The following CDYL2 variants were observed in gnomAD, a reference collection of about 807,000 sequenced individuals.
CDYL2 encodes chromodomain Y-like protein 2.
Under a neutral mutation model 49.4 loss-of-function variants are expected in CDYL2, and 23 were observed. The observed-to-expected ratio is 0.47, with a 90% CI of 0.34 to 0.66. The LOEUF (loss-of-function observed/expected upper bound fraction) is 0.66, where lower values mean the gene tolerates loss of function less well. Ranked by LOEUF, CDYL2 falls within the 30% of genes least tolerant of loss-of-function variation. The pLI is 0.01. For synonymous variants in CDYL2, 360 were observed against 268.8 expected, an observed-to-expected ratio of 1.34 and a Z score of -3.32; for missense variants, 678 against 656.4, an observed-to-expected ratio of 1.03 and a Z score of -0.36.
At chr16:80,695,916 TAGA>T (rs1167841895) in intron 1 of CDYL2, among the ~76,000 whole-genome samples, 1 of 152,218 alleles carries the variant, frequency 6.6e-6, no homozygotes, top group Non-Finnish European at 1.5e-5. Flanking sequence ...CAGACATTTA[TAGA>T]AGGTTTCAAT....
chr16:80,706,001 G>T (rs762005934), intron 1 of CDYL2, among the ~76,000 whole-genome samples: 9 of 152,220 alleles, frequency 5.9e-5, no homozygotes, highest in Non-Finnish European at 1.2e-4. Context: ...CTCCAAGGCA[G>T]TAGAGGGGTG....
intron 2 of CDYL2, among the ~76,000 whole-genome samples, chr16:80,672,310 C>T (rs951326722): frequency 7.9e-6 from 1 of 127,044 alleles, no homozygotes; most frequent in Admixed American, 9.4e-5. Context: ...TGTTTTCATA[C>T]AAAATGTTAC....
intron 1 of CDYL2, among the ~76,000 whole-genome samples, chr16:80,792,374 A>G (rs1209723239): frequency 2.0e-5 from 3 of 152,202 alleles, no homozygotes; most frequent in Non-Finnish European, 4.4e-5. Context: ...TTCTAGGAAA[A>G]TATTTCAAGA....
Position 80,666,753 on chromosome 16 carries a change from C to G in CDYL2, c.616+17785G>C, listed in dbSNP as rs538727307. 1.1e-4 allele frequency among the ~76,000 whole-genome samples: 17 copies of G among 152,290 alleles called. 3 individuals are homozygous for G. The highest frequency in any genetic ancestry group is 3.6e-4 in the African/African-American group (15 of 41,564). Reference sequence around the variant, plus strand: ...TGGGCCAGGGGATGGGCAGCTTTGACAGATGTCAGAAGGGTTTGCAGTGGG... The same window carrying G: ...TGGGCCAGGGGATGGGCAGCTTTGAGAGATGTCAGAAGGGTTTGCAGTGGG... On this transcript the variant is annotated intron_variant, in intron 2 of 6. Coordinates refer to ENST00000570137, the MANE Select transcript of CDYL2 (RefSeq NM_152342.4).
Position 80,602,357 on chromosome 16 carries a change from G to A in CDYL2, c.*2031C>T, listed in dbSNP as rs1906129531. 6.6e-6 allele frequency: 1 copy of A among 152,130 alleles called. No individual in the cohort carries two copies. Among genetic ancestry groups the A allele is most frequent in the African/African-American group, 2.4e-5 (1 of 41,406 alleles). 9.4% of individuals were successfully genotyped at this position (152,130 alleles called of 1,614,324 possible). A position where few individuals can be genotyped will look rare whatever the true frequency, so the allele number is the denominator to read the frequency against. ...CCATCCTCCTCTGGCTGAAGGAGAG[G>A]TTTCCCCTCCTTCCTGACCCTCATG... is the stretch of plus-strand genomic sequence containing the variant. On this transcript the variant is annotated 3_prime_UTR_variant, in exon 7 of 7. Transcript: ENST00000570137.
At chr16:80,762,424 A>G (rs961072956) in intron 1 of CDYL2, among the ~76,000 whole-genome samples, 1 of 152,198 alleles carries the variant, frequency 6.6e-6, no homozygotes, top group Non-Finnish European at 1.5e-5. Flanking sequence ...AGTCCATACA[A>G]GCAGCACAGC....
At position 80,621,457 on chromosome 16, in the gene CDYL2, T is replaced by C. The variant is rs964057800; in HGVS notation, c.835-522A>G. ...GCATCAGATCCAGACCTGGGTTCAG[T>C]GTCCCACTGGAGTTCCAAGCCCCTG... On this transcript the variant is annotated intron_variant, in intron 3 of 6. Transcript: ENST00000570137. Among the ~76,000 whole-genome samples the C allele has an allele frequency of 3.9e-5, 6 of 152,228 alleles. No individual in the cohort carries two copies. In the East Asian group the frequency reaches 9.6e-4, roughly 24 times the overall value.
At chr16:80,756,349 AAC>A (rs60818381) in intron 1 of CDYL2, among the ~76,000 whole-genome samples, 2,941 of 152,242 alleles carry the variant, frequency 0.019, 93 homozygotes, top group African/African-American at 0.068. Context: ...AGAAAACACA[AAC>A]ACACACAATG....
At chr16:80,788,763 G>C (rs541714489) in intron 1 of CDYL2, among the ~76,000 whole-genome samples, 1 of 152,136 alleles carries the variant, frequency 6.6e-6, no homozygotes, top group Non-Finnish European at 1.5e-5. Flanking sequence ...CTCATAGAAA[G>C]GATTACATGA....
intron 3 of CDYL2, among the ~76,000 whole-genome samples, chr16:80,630,358 C>A (rs1597134698): frequency 6.6e-6 from 1 of 152,322 alleles, no homozygotes; most frequent in South Asian, 2.1e-4. Context: ...CAGTTACCAC[C>A]CAGGGCTGCT....
intron 2 of CDYL2, among the ~76,000 whole-genome samples, chr16:80,645,189 A>G (rs906067086): frequency 1.4e-4 from 21 of 152,352 alleles, no homozygotes; most frequent in Admixed American, 1.1e-3. Context: ...AACTACCATC[A>G]GAGTGAACAG....
intron 1 of CDYL2, among the ~76,000 whole-genome samples, chr16:80,769,330 T>A (rs114112243): frequency 3.7e-3 from 571 of 152,302 alleles, no homozygotes; most frequent in African/African-American, 0.013. Context: ...TTAATGGAGG[T>A]GATGCTGAAA....
intron 1 of CDYL2, among the ~76,000 whole-genome samples, chr16:80,685,336 T>C (rs1223880117): frequency 6.6e-6 from 1 of 152,208 alleles, no homozygotes; most frequent in Non-Finnish European, 1.5e-5. Context: ...GGATGGAACC[T>C]AAGGCACATG....
intron 1 of CDYL2, among the ~76,000 whole-genome samples, chr16:80,758,989 C>A (rs1001767160): frequency 1.3e-5 from 2 of 150,414 alleles, no homozygotes; most frequent in Admixed American, 1.3e-4. Context: ...AATATCTGAC[C>A]CAGGAAAATA....
rs552244320 is a variant in CDYL2, at chr16:80,770,064, T to C, written c.24+34086A>G. Among the ~76,000 whole-genome samples, 527 of 152,204 alleles carry C rather than the reference T, an allele frequency of 3.5e-3. 3 individuals are homozygous for C. Among genetic ancestry groups the C allele is most frequent in the Middle Eastern group, 3.4e-3 (1 of 294 alleles). Reference sequence around the variant, plus strand: ...GCAATGGTCACTGCAGAAAACCGAATGTGTTAATTAAAAGACGAGTTAAAA... The same window carrying C: ...GCAATGGTCACTGCAGAAAACCGAACGTGTTAATTAAAAGACGAGTTAAAA... On this transcript the variant is annotated intron_variant, in intron 1 of 6. Coordinates refer to ENST00000570137, the MANE Select transcript of CDYL2 (RefSeq NM_152342.4).
chr16:80,711,922 C>T (rs988148283), intron 1 of CDYL2, among the ~76,000 whole-genome samples: 4 of 151,062 alleles, frequency 2.6e-5, no homozygotes, highest in Non-Finnish European at 5.9e-5. Context: ...ATTATCCAAC[C>T]GACAGGGGAG....
Position 80,679,110 on chromosome 16 carries a change from T to G in CDYL2, c.616+5428A>C, listed in dbSNP as rs1466200066. Among the ~76,000 whole-genome samples the G allele has an allele frequency of 4.8e-5, 4 of 82,828 alleles. No homozygotes were observed. In the East Asian group the frequency reaches 1.3e-3, roughly 27 times the overall value. The allele number at this position is 82,828 out of a possible 152,430, so 54.3% of individuals were successfully genotyped here. ...GGGAACATCACACTCTGGGGACTGT[T>G]GTGGGGTGGGGGGAGGGGGGAGGGA... On this transcript the variant is annotated intron_variant, in intron 2 of 6. Transcript: ENST00000570137.
chr16:80,644,912 G>T (rs985857951), intron 2 of CDYL2, among the ~76,000 whole-genome samples: 1 of 152,072 alleles, frequency 6.6e-6, no homozygotes, highest in Non-Finnish European at 1.5e-5. Context: ...TTAATAAATG[G>T]TGCTGGGAAA....
At chr16:80,748,954 G>C (rs1906034521) in intron 1 of CDYL2, among the ~76,000 whole-genome samples, 1 of 152,086 alleles carries the variant, frequency 6.6e-6, no homozygotes, top group South Asian at 2.1e-4. Context: ...TCTGTACATG[G>C]TTGAATATTA....
Sources: allele counts gnomAD v4.1 joint callset (sites outside exome capture counted in the v4.1 genomes callset), GRCh38; gene constraint gnomAD v4.1.1; transcripts MANE v1.5; gene names NCBI Gene and HGNC (gene_info 2026-07-23, HGNC 2026-07-21).